The following CHD9 variants were observed in gnomAD, a reference collection of about 807,000 sequenced individuals.
CHD9 encodes the protein chromodomain helicase DNA binding protein 9.
In CHD9, 77 loss-of-function variants were observed where a neutral mutation model predicts 316.1. The ratio of observed to expected loss-of-function variants is 0.24; its 90% CI spans 0.20 to 0.29. The LOEUF (loss-of-function observed/expected upper bound fraction) is 0.29. Among genes scored for constraint, CHD9 ranks in the 10% least tolerant of loss-of-function variants. CHD9 has a pLI of 1.00. For synonymous variants in CHD9, 1,129 were observed against 1,158.3 expected (o/e 0.97, Z 0.51); for missense variants, 2,763 against 3,438.1 (o/e 0.80, Z 4.91).
At chr16:53,230,051 T>C (rs1393165845) in intron 8 of CHD9, among the ~76,000 whole-genome samples, 1 of 152,208 alleles carries the variant, frequency 6.6e-6, no homozygotes, top group Admixed American at 6.5e-5. Flanking sequence ...CAGTCTCTCT[T>C]TGTTTTTCAT....
chr16:53,270,504 G>A (rs951963270), intron 22 of CHD9, among the ~76,000 whole-genome samples: 14 of 151,960 alleles, frequency 9.2e-5, no homozygotes, highest in East Asian at 3.9e-4. Flanking sequence ...AAAAGATACC[G>A]TTGATATTTA....
At chr16:53,198,501 T>C (rs910169694) in intron 2 of CHD9, among the ~76,000 whole-genome samples, 1 of 151,412 alleles carries the variant, frequency 6.6e-6, no homozygotes, top group Non-Finnish European at 1.5e-5. Flanking sequence ...TAATTTTTTG[T>C]ATTTTTAGTA....
At chr16:53,093,086 C>T (rs935433102) in intron 1 of CHD9, among the ~76,000 whole-genome samples, 6 of 152,198 alleles carry the variant, frequency 3.9e-5, no homozygotes, top group African/African-American at 1.4e-4. Context: ...GCTGCATCTG[C>T]ACTTTAATAT....
At chr16:53,306,771 T>C (rs1042459805) in intron 32 of CHD9, among the ~76,000 whole-genome samples, 15 of 150,808 alleles carry the variant, frequency 9.9e-5, no homozygotes, top group African/African-American at 3.7e-4. Flanking sequence ...AGAAGAAAGA[T>C]TGAATTAATA....
At chr16:53,254,711 AT>A in intron 18 of CHD9, 106 bp downstream of exon 18, 1 of 960,510 alleles carries the variant, frequency 1.0e-6, no homozygotes, top group Non-Finnish European at 1.5e-6. Context: ...TACTAAACAC[AT>A]TTGTTTTCTG....
chr16:53,095,398 A>G (rs2036294494), intron 1 of CHD9, among the ~76,000 whole-genome samples: 1 of 151,740 alleles, frequency 6.6e-6, no homozygotes, highest in Non-Finnish European at 1.5e-5. Flanking sequence ...AATTTTTAAA[A>G]TGTAGCTGGG....
intron 2 of CHD9, among the ~76,000 whole-genome samples, chr16:53,205,844 C>T (rs1248294342): frequency 6.6e-6 from 1 of 152,132 alleles, no homozygotes; most frequent in Non-Finnish European, 1.5e-5. Flanking sequence ...ATGATCCAGT[C>T]CCAAATTTCA....
At chr16:53,288,184 T>C (rs2054041034) in intron 27 of CHD9, among the ~76,000 whole-genome samples, 170 bp downstream of exon 27, 1 of 152,232 alleles carries the variant, frequency 6.6e-6, no homozygotes, top group Non-Finnish European at 1.5e-5. Context: ...AAATAATCAC[T>C]CAGAATTCAC....
intron 3 of CHD9, among the ~76,000 whole-genome samples, chr16:53,217,375 TC>T (rs1482315289): frequency 6.6e-6 from 1 of 152,194 alleles, no homozygotes; most frequent in Non-Finnish European, 1.5e-5. Context: ...TGCCTCAGCC[TC>T]CCAAGTAGCT....
intron 19 of CHD9, among the ~76,000 whole-genome samples, chr16:53,256,736 G>T (rs1163340553): frequency 2.0e-5 from 3 of 150,422 alleles, no homozygotes; most frequent in South Asian, 2.1e-4. Flanking sequence ...TGTCTCACCT[G>T]CACTAATTGC....
intron 24 of CHD9, among the ~76,000 whole-genome samples, chr16:53,280,619 T>G (rs113693560): frequency 0.032 from 4,897 of 150,718 alleles, 98 homozygotes; most frequent in Middle Eastern, 0.071. Flanking sequence ...AAATCACCAC[T>G]AAAGAACTTA....
intron 2 of CHD9, among the ~76,000 whole-genome samples, chr16:53,167,681 A>G (rs184878202): frequency 6.0e-4 from 91 of 152,244 alleles, no homozygotes; most frequent in African/African-American, 2.1e-3. Context: ...TATTATATAC[A>G]TAATATAGTG....
chr16:53,307,738 T>C lies in CHD9; in HGVS notation c.6838T>C (p.Trp2280Arg), dbSNP rs768493916. The change falls in exon 33 of 39, where the codon TGG becomes CGG. Residue 2280 changes from tryptophan (W) to arginine (R), a missense_variant. Coordinates refer to ENST00000447540, the MANE Select transcript of CHD9 (RefSeq NM_001308319.2). ...TTGTCAAACAGTTCTGAAAGGAAAGTGGCCTTCAGCTAGAAGAAGTTATGA... is the reference window on the plus strand; with the variant it reads ...TTGTCAAACAGTTCTGAAAGGAAAGCGGCCTTCAGCTAGAAGAAGTTATGA... The part of the protein sequence containing the change: ...SICQTVLKGK[W>R]PSARRSYDAN... 6.2e-7 allele frequency: 1 copy of C among 1,612,444 alleles called. No individual in the cohort carries two copies. Among genetic ancestry groups the C allele is most frequent in the Non-Finnish European group, 8.5e-7 (1 of 1,179,228 alleles).
At chr16:53,079,454 G>T (rs1030857491) in intron 1 of CHD9, among the ~76,000 whole-genome samples, 3 of 152,192 alleles carry the variant, frequency 2.0e-5, no homozygotes, top group Non-Finnish European at 2.9e-5. Context: ...AGGCACTGTG[G>T]TATAATACAA....
chr16:53,321,724 A>T, intron 38 of CHD9, 94 bp downstream of exon 38: 1 of 744,212 alleles, frequency 1.3e-6, no homozygotes, highest in Non-Finnish European at 2.0e-6. Flanking sequence ...AAAATATTCC[A>T]TGAATTTGTG....
At chr16:53,253,315 CTAT>C (rs2050286810) in intron 17 of CHD9, among the ~76,000 whole-genome samples, 1 of 151,916 alleles carries the variant, frequency 6.6e-6, no homozygotes, top group Non-Finnish European at 1.5e-5. Flanking sequence ...ATATTGGAGA[CTAT>C]TATTATAAGT....
In CHD9 at chr16:53,249,976, T is replaced by C; in HGVS notation, c.3771T>C (p.Cys1257=). 6.2e-7 allele frequency: 1 copy of C among 1,613,804 alleles called. No homozygotes were observed. The highest frequency in any genetic ancestry group is 8.5e-7 in the Non-Finnish European group (1 of 1,179,762). Residue 1257 remains cysteine, a synonymous_variant, in exon 17 of 39, where the codon TGT becomes TGC. Transcript: ENST00000447540. ...PDSDRFVFLL[C]TRAGGLGINL... is the part of the protein sequence containing the mutation. Reference sequence around the variant, plus strand: ...CAGATAGATTTGTTTTTCTCCTGTGTACCCGAGCTGGTGGGTTGGGCATCA... The same window carrying C: ...CAGATAGATTTGTTTTTCTCCTGTGCACCCGAGCTGGTGGGTTGGGCATCA...
chr16:53,144,603 A>G (rs747616968), intron 1 of CHD9, among the ~76,000 whole-genome samples: 21 of 150,744 alleles, frequency 1.4e-4, no homozygotes, highest in Non-Finnish European at 2.5e-4. Context: ...ATCTTGGCTC[A>G]CCACAACCTC....
intron 19 of CHD9, among the ~76,000 whole-genome samples, chr16:53,258,064 C>G (rs752454711): frequency 9.9e-5 from 15 of 152,102 alleles, no homozygotes; most frequent in Admixed American, 9.8e-4. Flanking sequence ...ATATACAAAG[C>G]ATTTAATGAG....
Sources: gnomAD v4.1 joint callset for allele counts (sites outside exome capture counted in the v4.1 genomes callset) on GRCh38, gnomAD v4.1.1 for gene constraint, MANE v1.5 for transcripts, NCBI Gene and HGNC (gene_info 2026-07-23, HGNC 2026-07-21) for gene names.